The following SLC60A1 variants were observed in gnomAD, a reference collection of about 807,000 sequenced individuals.
The protein encoded by SLC60A1 is solute carrier family 60 member 1.
At chr1:205,591,910 G>A in the SLC60A1 span, 2 of 524,694 alleles carry the variant, frequency 3.8e-6, no homozygotes, top group Non-Finnish European at 3.4e-6. Context: ...GTCTAGGTGG[G>A]AAGATGTCTA....
the SLC60A1 span, chr1:205,592,069 T>C: frequency 6.3e-7 from 1 of 1,588,432 alleles, no homozygotes; most frequent in Non-Finnish European, 8.6e-7. Context: ...AGACGCCGAC[T>C]CCTGGCGGTT....
the SLC60A1 span, among the ~76,000 whole-genome samples, chr1:205,593,169 C>CAT: frequency 6.6e-6 from 1 of 152,038 alleles, no homozygotes; most frequent in Non-Finnish European, 1.5e-5. Flanking sequence ...GGAAAACCAG[C>CAT]ATTAAGATAA....
the SLC60A1 span, among the ~76,000 whole-genome samples, chr1:205,573,427 GAA>G: frequency 1.2e-4 from 17 of 142,526 alleles, no homozygotes; most frequent in Middle Eastern, 3.6e-3. Flanking sequence ...CTCAAAAAAA[GAA>G]AAAAAAAAAG....
At chr1:205,577,152 T>C in the SLC60A1 span, among the ~76,000 whole-genome samples, 1 of 152,104 alleles carries the variant, frequency 6.6e-6, no homozygotes, top group Non-Finnish European at 1.5e-5. This position sits in a 1 kb window ranked among gnomAD's most constrained non-coding sequence, Gnocchi z 5.2. Flanking sequence ...TGACCCCTTC[T>C]CTTTTTCCCA....
the SLC60A1 span, among the ~76,000 whole-genome samples, chr1:205,582,913 C>T: frequency 3.7e-4 from 56 of 152,318 alleles, 2 homozygotes; most frequent in South Asian, 8.5e-3. Context: ...AGGGCTCCCC[C>T]AGAACACCAC....
chr1:205,582,499 T>G, the SLC60A1 span, among the ~76,000 whole-genome samples: 1 of 152,214 alleles, frequency 6.6e-6, no homozygotes, highest in Admixed American at 6.5e-5. Context: ...ATTGGGTGTG[T>G]TCCTGCCAGC....
the SLC60A1 span, chr1:205,595,119 T>C: frequency 6.6e-6 from 1 of 152,154 alleles, no homozygotes; most frequent in East Asian, 1.9e-4. Flanking sequence ...AAGGATGACA[T>C]GCAAATGTGT....
the SLC60A1 span, among the ~76,000 whole-genome samples, chr1:205,571,607 A>G: frequency 6.6e-6 from 1 of 152,136 alleles, no homozygotes; most frequent in Non-Finnish European, 1.5e-5. Flanking sequence ...GCAGATATAC[A>G]GTGGAAACAG....
the SLC60A1 span, chr1:205,579,958 G>A: frequency 2.9e-5 from 47 of 1,610,128 alleles, no homozygotes; most frequent in South Asian, 5.5e-5. Context: ...AGGTAAGCCC[G>A]GCCAGCAGGC....
the SLC60A1 span, chr1:205,598,343 G>GA: frequency 6.1e-3 from 853 of 139,032 alleles, 1 homozygote; most frequent in Non-Finnish European, 9.8e-3. Context: ...TATTCACCAG[G>GA]AAAAAAAAAA....
the SLC60A1 span, chr1:205,584,084 G>T: frequency 6.2e-7 from 1 of 1,614,112 alleles, no homozygotes; most frequent in Non-Finnish European, 8.5e-7. Context: ...TGAGAAGGAA[G>T]ATGCCTCCTC....
chr1:205,593,670 G>C, the SLC60A1 span, among the ~76,000 whole-genome samples: 1 of 152,006 alleles, frequency 6.6e-6, no homozygotes, highest in African/African-American at 2.4e-5. Flanking sequence ...CACACTTTTT[G>C]TTTTGTTTTC....
the SLC60A1 span, chr1:205,585,947 C>T: frequency 6.9e-7 from 1 of 1,444,058 alleles, no homozygotes; most frequent in Non-Finnish European, 9.2e-7. The surrounding 1 kb of genome is among the most constrained non-coding windows in gnomAD (Gnocchi z 4.2). Context: ...CTGCCCTCCC[C>T]ACACCTGCCC....
the SLC60A1 span, among the ~76,000 whole-genome samples, chr1:205,597,377 T>TC: frequency 3.8e-5 from 3 of 78,724 alleles, no homozygotes; most frequent in Non-Finnish European, 9.7e-5. Context: ...TAGGTTGTTT[T>TC]TTTTTTTTTT....
the SLC60A1 span, among the ~76,000 whole-genome samples, chr1:205,577,278 C>G: frequency 4.0e-5 from 6 of 150,586 alleles, no homozygotes; most frequent in Non-Finnish European, 8.9e-5. The surrounding 1 kb of genome is among the most constrained non-coding windows in gnomAD (Gnocchi z 5.2). Flanking sequence ...ATCGGCCTCC[C>G]AGCAGTGCCC....
the SLC60A1 span, among the ~76,000 whole-genome samples, chr1:205,594,844 CCTTGT>C: frequency 6.6e-6 from 1 of 152,064 alleles, no homozygotes; most frequent in South Asian, 2.1e-4. Flanking sequence ...TGGCTTGTCT[CCTTGT>C]CTTCAGTCTT....
At chr1:205,597,579 A>G in the SLC60A1 span, 1 of 482,970 alleles carries the variant, frequency 2.1e-6, no homozygotes, top group Middle Eastern at 3.6e-4. Flanking sequence ...TACTTTTTGT[A>G]GAGACCAAGT....
At chr1:205,578,602 A>C in the SLC60A1 span, among the ~76,000 whole-genome samples, 1 of 152,228 alleles carries the variant, frequency 6.6e-6, no homozygotes, top group Admixed American at 6.5e-5. Flanking sequence ...ATGGGGCAAG[A>C]TGAGATGGCT....
the SLC60A1 span, among the ~76,000 whole-genome samples, chr1:205,576,114 G>A: frequency 1.3e-5 from 2 of 152,200 alleles, no homozygotes; most frequent in Admixed American, 6.5e-5. Flanking sequence ...GGGACAAGAG[G>A]TAGGAGCAGG....
Sources: gnomAD v4.1 joint callset for allele counts (sites outside exome capture counted in the v4.1 genomes callset) on GRCh38, gnomAD v4.1.1 for gene constraint, Gnocchi (gnomAD v3.1) non-coding constraint, MANE v1.5 for transcripts, NCBI Gene and HGNC (gene_info 2026-07-23, HGNC 2026-07-21) for gene names.